Variants in TNFRSF10B observed in about 807,000 individuals in gnomAD.
TNFRSF10B encodes tumor necrosis factor receptor superfamily member 10B.
In TNFRSF10B, 35 loss-of-function variants were observed where a neutral mutation model predicts 41.4. The observed-to-expected ratio is 0.85, with a 90% CI of 0.65 to 1.12. The LOEUF is 1.12. Ranked by LOEUF, TNFRSF10B falls within the 50% of genes most tolerant of loss-of-function variation. The pLI is 0.00. For synonymous variants in TNFRSF10B, 230 were observed against 215.5 expected (o/e 1.07, Z -0.59); for missense variants, 584 against 552.7 (o/e 1.06, Z -0.57).
intron 2 of TNFRSF10B, 50 bp downstream of exon 2, chr8:23,043,088 T>G: frequency 1.3e-6 from 2 of 1,543,286 alleles, no homozygotes; most frequent in Non-Finnish European, 1.8e-6. Context: ...TGGAAGCTCA[T>G]GGAGACAAGG....
rs1279781251 is a variant in TNFRSF10B at position 23,027,189 on chromosome 8, G to T, written c.880C>A (p.Pro294Thr). The change falls in exon 7 of 9, where the codon CCA (proline) becomes ACA (threonine). Residue 294 changes from proline to threonine, a missense_variant. Coordinates refer to ENST00000276431, the MANE Select transcript of TNFRSF10B (RefSeq NM_003842.5). ...ATGTTGACACCTGTTGGCTCTGCTG[G>T]CTCCTGGACTTCCATTTCCTGCTCA... ...VPEQEMEVQE[P>T]AEPTGVNMLS... 6.2e-7 allele frequency: 1 copy of T among 1,614,078 alleles called. No homozygotes were observed. The highest frequency in any genetic ancestry group is 2.2e-5 in the East Asian group (1 of 44,890).
At chr8:23,045,060 C>CAAAAAAAAAAAAAAAAA in intron 1 of TNFRSF10B, among the ~76,000 whole-genome samples, 1 of 38,808 alleles carries the variant, frequency 2.6e-5, no homozygotes, top group Non-Finnish European at 4.5e-5. Context: ...TAATAAAATA[C>CAAAAAAAAAAAAAAAAA]AAAAAAAAAA....
intron 1 of TNFRSF10B, among the ~76,000 whole-genome samples, chr8:23,045,875 C>T (rs1002172032): frequency 2.0e-5 from 3 of 152,066 alleles, no homozygotes; most frequent in Non-Finnish European, 2.9e-5. Flanking sequence ...AAGCATTTGA[C>T]AAAACACAAC....
chr8:23,027,609 C>G, intron 6 of TNFRSF10B, 113 bp downstream of exon 6: 1 of 1,482,114 alleles, frequency 6.7e-7, no homozygotes, highest in Non-Finnish European at 9.3e-7. Flanking sequence ...CAGGCCACTT[C>G]AGAGAGTCAG....
At chr8:23,050,469 T>C (rs552426282) in intron 1 of TNFRSF10B, among the ~76,000 whole-genome samples, 24 of 152,338 alleles carry the variant, frequency 1.6e-4, no homozygotes, top group Non-Finnish European at 2.2e-4. Context: ...TGTGTGTGTG[T>C]GCGCACGGGG....
At chr8:23,067,663 T>G (rs529910853) in intron 1 of TNFRSF10B, among the ~76,000 whole-genome samples, 1 of 152,100 alleles carries the variant, frequency 6.6e-6, no homozygotes, top group Non-Finnish European at 1.5e-5. Context: ...CACTCAGAGG[T>G]GAGACCAAGG....
At position 23,020,463 on chromosome 8, in the gene TNFRSF10B, A is replaced by G. The variant is rs551779248; in HGVS notation, c.*2208T>C. On this transcript the variant is annotated 3_prime_UTR_variant, in exon 9 of 9. Coordinates refer to ENST00000276431, the MANE Select transcript of TNFRSF10B (RefSeq NM_003842.5). ...GTAATCCCAGCACTTTCGGAGGCCAAGGTGGATCACCTGAGGTCAGGAGTT... is the reference window on the plus strand; with the variant it reads ...GTAATCCCAGCACTTTCGGAGGCCAGGGTGGATCACCTGAGGTCAGGAGTT... 270 of 454,076 alleles carry G rather than the reference A, an allele frequency of 5.9e-4. 1 individual carries two copies. Among genetic ancestry groups the G allele is most frequent in the South Asian group, 2.9e-3 (185 of 64,474 alleles). 28.1% of individuals were successfully genotyped at this position (454,076 alleles called of 1,614,324 possible). A position where few individuals can be genotyped will look rare whatever the true frequency, so the allele number is the denominator to read the frequency against.
At position 23,020,373 on chromosome 8, in the gene TNFRSF10B, T is replaced by A. The variant is rs1811474294; in HGVS notation, c.*2298A>T. 1 of 453,930 alleles carries A rather than the reference T, an allele frequency of 2.2e-6. No individual in the cohort carries two copies. Among genetic ancestry groups the A allele is most frequent in the South Asian group, 1.6e-5 (1 of 64,476 alleles). The allele number at this position is 453,930 out of a possible 1,614,324, so 28.1% of individuals were successfully genotyped here. On this transcript the variant is annotated 3_prime_UTR_variant, in exon 9 of 9. Coordinates refer to ENST00000276431, the MANE Select transcript of TNFRSF10B (RefSeq NM_003842.5). ...TGTAACTAAACAACAAAACCCCCAATTATTTCATGTCGTCAGGAAGCTTAC... is the reference window on the plus strand; with the variant it reads ...TGTAACTAAACAACAAAACCCCCAAATATTTCATGTCGTCAGGAAGCTTAC...
intron 7 of TNFRSF10B, among the ~76,000 whole-genome samples, chr8:23,024,537 T>C (rs74370595): frequency 6.7e-6 from 1 of 149,634 alleles, no homozygotes; most frequent in African/African-American, 2.5e-5. Flanking sequence ...TTTTTTTTTT[T>C]CGAGACAGAG....
Position 23,020,418 on chromosome 8 carries a change from C to T in TNFRSF10B, c.*2253G>A. 2.2e-6 allele frequency: 1 copy of T among 454,116 alleles called. No individual in the cohort carries two copies. The highest frequency in any genetic ancestry group is 1.6e-5 in the South Asian group (1 of 64,480). 28.1% of individuals were successfully genotyped at this position (454,116 alleles called of 1,614,324 possible). On this transcript the variant is annotated 3_prime_UTR_variant, in exon 9 of 9. Transcript: ENST00000276431. ...GCTTACTTTAAAAGAATAGCTTGGC[C>T]TGGCTGGTGGCTCACGCCTGTAATC... is the stretch of plus-strand genomic sequence containing the variant.
intron 1 of TNFRSF10B, among the ~76,000 whole-genome samples, chr8:23,067,811 T>A (rs190209255): frequency 8.3e-4 from 126 of 152,316 alleles, no homozygotes; most frequent in Non-Finnish European, 1.3e-3. Flanking sequence ...GTTCCTCCTC[T>A]CCCTTCCAGC....
At chr8:23,059,913 A>G (rs1263465257) in intron 1 of TNFRSF10B, among the ~76,000 whole-genome samples, 2 of 152,174 alleles carry the variant, frequency 1.3e-5, no homozygotes, top group African/African-American at 4.8e-5. Context: ...GTATCTTTTC[A>G]TATACTTATT....
At chr8:23,046,615 T>TAAAAAAAAAAA (rs147614589) in intron 1 of TNFRSF10B, among the ~76,000 whole-genome samples, 1 of 129,842 alleles carries the variant, frequency 7.7e-6, no homozygotes, top group Non-Finnish European at 1.7e-5. Context: ...TATGCAACCA[T>TAAAAAAAAAAA]AAAAAAAAAA....
chr8:23,058,491 C>T (rs960154187), intron 1 of TNFRSF10B, among the ~76,000 whole-genome samples: 5 of 145,460 alleles, frequency 3.4e-5, no homozygotes, highest in East Asian at 4.0e-4. Context: ...TGTGTATTGG[C>T]TTTTTTTTTT....
rs372094119 is a variant in TNFRSF10B at position 23,028,413 on chromosome 8, G to T, written c.666C>A (p.Ala222=). ...CAAACACAGCCACAATCAAGACTAC[G>T]GCTGCAACTGTGACTCCTATGATGA... ...SGIIIGVTVA[A]VVLIVAVFVC... The change falls in exon 5 of 9, where the codon GCC becomes GCA. Residue 222 remains alanine, a synonymous_variant. Transcript: ENST00000276431. 2 of 1,614,176 alleles carry T rather than the reference G, an allele frequency of 1.2e-6. No individual in the cohort carries two copies. Among genetic ancestry groups the T allele is most frequent in the South Asian group, 2.2e-5 (2 of 91,084 alleles).
intron 1 of TNFRSF10B, among the ~76,000 whole-genome samples, chr8:23,059,253 T>G (rs1812755499): frequency 6.6e-6 from 1 of 152,242 alleles, no homozygotes; most frequent in South Asian, 2.1e-4. Flanking sequence ...CAACTTGAGT[T>G]TCTTCCACTT....
intron 6 of TNFRSF10B, 104 bp downstream of exon 6, chr8:23,027,618 A>G: frequency 6.6e-7 from 1 of 1,518,814 alleles, no homozygotes; most frequent in Non-Finnish European, 9.1e-7. Flanking sequence ...TCAGAGAGTC[A>G]GGGCAGCCAT....
intron 1 of TNFRSF10B, among the ~76,000 whole-genome samples, chr8:23,057,429 A>ATTT (rs201997985): frequency 1.7e-5 from 2 of 115,620 alleles, no homozygotes; most frequent in African/African-American, 6.8e-5. Flanking sequence ...GAATTCTGTA[A>ATTT]TTTTTTTTTT....
intron 7 of TNFRSF10B, among the ~76,000 whole-genome samples, chr8:23,026,823 T>C (rs75194986): frequency 0.02 from 3,049 of 152,288 alleles, 99 homozygotes; most frequent in African/African-American, 0.068. Flanking sequence ...CTGACTTCTG[T>C]TAGGAGCATA....
Sources: gnomAD v4.1 joint callset for allele counts (sites outside exome capture counted in the v4.1 genomes callset) on GRCh38, gnomAD v4.1.1 for gene constraint, MANE v1.5 for transcripts, NCBI Gene and HGNC (gene_info 2026-07-23, HGNC 2026-07-21) for gene names.